Variants in NRG4 observed in about 807,000 individuals in gnomAD.
The protein encoded by NRG4 is neuregulin 4, also known as pro-neuregulin-4, membrane-bound isoform.
A neutral mutation model predicts 15.0 loss-of-function variants in NRG4; 10 were observed. That is an observed-to-expected ratio of 0.67 (90% confidence interval 0.41 to 1.13). The LOEUF (loss-of-function observed/expected upper bound fraction) is 1.13. Ranked by LOEUF, NRG4 falls within the 50% of genes most tolerant of loss-of-function variation. The probability of loss-of-function intolerance (pLI) is 0.00; values close to 1 mark genes in which losing one functional copy is unlikely to be tolerated. For missense variants in NRG4, 139 were observed against 140.2 expected (o/e 0.99, Z 0.04); for synonymous variants, 41 against 50.1 (o/e 0.82, Z 0.77).
intron 3 of NRG4, among the ~76,000 whole-genome samples, chr15:75,987,165 A>G (rs2033828324): frequency 6.6e-6 from 1 of 152,212 alleles, no homozygotes; most frequent in African/African-American, 2.4e-5. Flanking sequence ...GTATATTTCA[A>G]TCACTAACTC....
At chr15:75,973,483 G>C (rs536752686) in intron 3 of NRG4, among the ~76,000 whole-genome samples, 1 of 152,286 alleles carries the variant, frequency 6.6e-6, no homozygotes, top group South Asian at 2.1e-4. Context: ...TGCCCATCCA[G>C]TATGATATTG....
intron 4 of NRG4, among the ~76,000 whole-genome samples, chr15:75,956,345 T>C (rs1385664975): frequency 6.6e-6 from 1 of 151,498 alleles, no homozygotes; most frequent in African/African-American, 2.4e-5. Context: ...TTTTGTGCTC[T>C]TTTTAAAGAA....
chr15:75,960,241 T>G (rs957229685), intron 4 of NRG4, among the ~76,000 whole-genome samples: 3 of 152,230 alleles, frequency 2.0e-5, no homozygotes, highest in Non-Finnish European at 4.4e-5. Flanking sequence ...GGTCTTCCCC[T>G]TAGCATATTA....
At chr15:75,990,902 T>A (rs530844930) in intron 3 of NRG4, among the ~76,000 whole-genome samples, 1 of 152,172 alleles carries the variant, frequency 6.6e-6, no homozygotes, top group South Asian at 2.1e-4. Context: ...CTGGAACTCC[T>A]GGCCTTAAAT....
At chr15:76,030,508 T>C (rs334931) in intron 5 of NRG4, among the ~76,000 whole-genome samples, 2,080 of 152,206 alleles carry the variant, frequency 0.014, 46 homozygotes, top group African/African-American at 0.047. Context: ...CTCCAATAAA[T>C]AGTGCTGGGA....
rs751570197 is a variant in NRG4, at chr15:76,009,150, T to C, written c.104+50A>G. ...TTTTATCACTTCTCAAAGAAGTTAG[T>C]AGACAATAAAAAATAAAGTTAACAT... On this transcript the variant is annotated intron_variant, in intron 3 of 5. Transcript: ENST00000394907. The C allele has an allele frequency of 1.5e-4, 128 of 881,044 alleles. 4 individuals carry two copies. The South Asian group carries it at 1.6e-3, about 11-fold the overall frequency. The allele number at this position is 881,044 out of a possible 1,614,324, so 54.6% of individuals were successfully genotyped here.
intron 3 of NRG4, among the ~76,000 whole-genome samples, chr15:76,000,569 T>C (rs2034376108): frequency 6.6e-6 from 1 of 152,168 alleles, no homozygotes; most frequent in African/African-American, 2.4e-5. Flanking sequence ...TGGTGGGAGT[T>C]CAAAATAACA....
intron 4 of NRG4, among the ~76,000 whole-genome samples, chr15:75,957,372 A>G (rs904608963): frequency 6.6e-6 from 1 of 152,216 alleles, no homozygotes; most frequent in Non-Finnish European, 1.5e-5. Context: ...AGATGTTTTC[A>G]CTGCCACAGA....
At chr15:76,031,335 A>G (rs892810753) in intron 5 of NRG4, among the ~76,000 whole-genome samples, 7 of 152,222 alleles carry the variant, frequency 4.6e-5, no homozygotes, top group East Asian at 3.8e-4. Flanking sequence ...CACTATTTCT[A>G]TCACCACTAT....
At chr15:75,936,775 T>A (rs1012890634), downstream of NRG4, 1 of 151,906 alleles carries the variant, frequency 6.6e-6, no homozygotes, top group Non-Finnish European at 1.5e-5. Flanking sequence ...GGTTTCTCTG[T>A]GTTGGTCAGG....
intron 5 of NRG4, among the ~76,000 whole-genome samples, chr15:76,029,773 A>G (rs954176947): frequency 6.6e-6 from 1 of 152,244 alleles, no homozygotes; most frequent in African/African-American, 2.4e-5. Context: ...AAATAAATTG[A>G]AGAGGACACA....
intron 3 of NRG4, among the ~76,000 whole-genome samples, chr15:75,980,713 T>G (rs2033572332): frequency 6.6e-6 from 1 of 152,258 alleles, no homozygotes; most frequent in African/African-American, 2.4e-5. Context: ...TGCAGTGATA[T>G]CAAGACAAGG....
intron 5 of NRG4, among the ~76,000 whole-genome samples, chr15:76,023,130 CCACACACACA>C (rs10572540): frequency 0.12 from 13,826 of 120,032 alleles, 711 homozygotes; most frequent in South Asian, 0.14. Flanking sequence ...CACCCATACT[CCACACACACA>C]CACACACACA....
chr15:75,950,515 T>C, intron 5 of NRG4: 1 of 230,666 alleles, frequency 4.3e-6, no homozygotes, highest in Non-Finnish European at 9.5e-6. Flanking sequence ...TGGATCATCC[T>C]CCTCATCCCC....
chr15:76,018,821 A>C (rs1361875623), intron 5 of NRG4, among the ~76,000 whole-genome samples: 1 of 152,120 alleles, frequency 6.6e-6, no homozygotes, highest in African/African-American at 2.4e-5. Flanking sequence ...GACTCACTTG[A>C]GGAGGCAGTC....
At chr15:75,999,312 C>T (rs2034322409) in intron 3 of NRG4, among the ~76,000 whole-genome samples, 1 of 152,170 alleles carries the variant, frequency 6.6e-6, no homozygotes, top group Non-Finnish European at 1.5e-5. Flanking sequence ...TGTATCCCCT[C>T]TAAAAATTCA....
chr15:75,972,863 T>C (rs1371569486), intron 3 of NRG4, among the ~76,000 whole-genome samples: 1 of 152,204 alleles, frequency 6.6e-6, no homozygotes, highest in East Asian at 1.9e-4. Context: ...GGCTCTTTTT[T>C]GGTTCCATAT....
At chr15:76,038,034 G>A (rs2035637192) in intron 4 of NRG4, among the ~76,000 whole-genome samples, 1 of 152,134 alleles carries the variant, frequency 6.6e-6, no homozygotes, top group Non-Finnish European at 1.5e-5. Context: ...TTCCTTGAAG[G>A]GAAGGACCTA....
chr15:76,032,052 G>C (rs941047563), intron 5 of NRG4, among the ~76,000 whole-genome samples: 23 of 152,240 alleles, frequency 1.5e-4, no homozygotes, highest in Admixed American at 4.6e-4. Flanking sequence ...GCTAGGCACA[G>C]AGCCACCATG....
Sources: allele counts gnomAD v4.1 joint callset (sites outside exome capture counted in the v4.1 genomes callset), GRCh38; gene constraint gnomAD v4.1.1; transcripts MANE v1.5; gene names NCBI Gene and HGNC (gene_info 2026-07-23, HGNC 2026-07-21).